The following ZNF804B variants were observed in gnomAD, a reference collection of about 807,000 sequenced individuals.
The protein encoded by ZNF804B is zinc finger 804B.
Under a neutral mutation model 101.4 loss-of-function variants are expected in ZNF804B, and 80 were observed. The ratio of observed to expected loss-of-function variants is 0.79; its 90% CI spans 0.66 to 0.95. The LOEUF (loss-of-function observed/expected upper bound fraction) is 0.95, where lower values mean the gene tolerates loss of function less well. Ranked by LOEUF, ZNF804B falls within the 40% of genes least tolerant of loss-of-function variation. The pLI, the probability that ZNF804B is intolerant of heterozygous loss-of-function variation, is 0.00. For synonymous variants in ZNF804B, 622 were observed against 558.8 expected (o/e 1.11, Z -1.59); for missense variants, 1,673 against 1,561.9 (o/e 1.07, Z -1.20).
chr7:89,070,920 T>TC (rs981839149), intron 1 of ZNF804B, among the ~76,000 whole-genome samples: 35 of 152,110 alleles, frequency 2.3e-4, no homozygotes, highest in African/African-American at 8.2e-4. Flanking sequence ...AATATAGTCA[T>TC]CCCCCAGTAT....
chr7:88,901,667 G>T (rs1271673651), intron 1 of ZNF804B, among the ~76,000 whole-genome samples: 2 of 151,774 alleles, frequency 1.3e-5, no homozygotes, highest in East Asian at 1.9e-4. Flanking sequence ...AGAAAAAAAA[G>T]AGTACTGGTT....
intron 1 of ZNF804B, among the ~76,000 whole-genome samples, chr7:89,165,335 G>C (rs575899469): frequency 6.6e-6 from 1 of 152,138 alleles, no homozygotes; most frequent in Non-Finnish European, 1.5e-5. Context: ...ACAAAAGATA[G>C]AGGATACACA....
At chr7:88,845,291 GCACGCGCGCGCACA>G (rs1330313291) in intron 1 of ZNF804B, among the ~76,000 whole-genome samples, 1 of 106,450 alleles carries the variant, frequency 9.4e-6, no homozygotes, top group East Asian at 4.1e-4. Context: ...ACGCGCGCGC[GCACGCGCGCGCACA>G]CACACACACA....
intron 2 of ZNF804B, among the ~76,000 whole-genome samples, chr7:89,238,993 A>G (rs539221268): frequency 6.6e-6 from 1 of 152,214 alleles, no homozygotes; most frequent in African/African-American, 2.4e-5. Flanking sequence ...AATATCTATG[A>G]TTTTGTCTTC....
chr7:89,155,732 A>G (rs1309842287), intron 1 of ZNF804B, among the ~76,000 whole-genome samples: 2 of 152,088 alleles, frequency 1.3e-5, no homozygotes, highest in African/African-American at 4.8e-5. Context: ...AACTCTGTTG[A>G]GTTGTTGTGT....
intron 1 of ZNF804B, among the ~76,000 whole-genome samples, chr7:88,835,907 A>G (rs989404638): frequency 2.6e-5 from 4 of 151,974 alleles, no homozygotes; most frequent in Admixed American, 6.6e-5. Flanking sequence ...GTGTTTGTGC[A>G]TCTTTGTGTA....
chr7:89,007,556 T>TATAATTATATATAATATAATA (rs1788387452), intron 1 of ZNF804B, among the ~76,000 whole-genome samples: 1 of 112,654 alleles, frequency 8.9e-6, no homozygotes, highest in African/African-American at 3.6e-5. Flanking sequence ...TAATATATAT[T>TATAATTATATATAATATAATA]TATCTATTAT....
rs367874946 is a variant in ZNF804B, at chr7:88,909,531, A to G, written c.108+149447A>G. Among the ~76,000 whole-genome samples, 40 of 151,734 alleles carry G rather than the reference A, an allele frequency of 2.6e-4. No homozygotes were observed. The East Asian group carries it at 3.7e-3, about 14-fold the overall frequency. On this transcript the variant is annotated intron_variant, in intron 1 of 3. Transcript: ENST00000333190. ...AAAATTACAGAGCAGACTTCATTTT[A>G]TTTCCTAGTAAATATTCCACTGCCA...
chr7:89,093,700 C>G (rs1454624273), intron 1 of ZNF804B, among the ~76,000 whole-genome samples: 1 of 152,232 alleles, frequency 6.6e-6, no homozygotes, highest in Non-Finnish European at 1.5e-5. Flanking sequence ...CTGCAGACTT[C>G]TATGCATTGA....
intron 2 of ZNF804B, among the ~76,000 whole-genome samples, chr7:89,297,939 C>A (rs1473139736): frequency 1.3e-5 from 2 of 149,318 alleles, no homozygotes; most frequent in African/African-American, 4.9e-5. Flanking sequence ...ATATTGTTTC[C>A]TGGGTCTAGG....
chr7:89,025,632 G>C (rs1476113245), intron 1 of ZNF804B, among the ~76,000 whole-genome samples: 1 of 152,014 alleles, frequency 6.6e-6, no homozygotes, highest in Admixed American at 6.6e-5. Flanking sequence ...TTGGCATGTT[G>C]TCAATACAAA....
rs568065505 is a variant in ZNF804B at position 89,188,571 on chromosome 7, C to T, written c.109-29584C>T. Among the ~76,000 whole-genome samples the T allele has an allele frequency of 8.4e-4, 128 of 152,186 alleles. 1 individual carries two copies. The highest frequency in any genetic ancestry group is 2.1e-3 in the African/African-American group (87 of 41,538). ...AGCTGAGATATGCTGAAAGCGTGGC[C>T]ACTTGAATCAAACAGTTAGCAAAGT... On this transcript the variant is annotated intron_variant, in intron 1 of 3. Transcript: ENST00000333190.
chr7:89,278,223 G>T (rs13235224), intron 2 of ZNF804B, among the ~76,000 whole-genome samples: 18,397 of 95,596 alleles, frequency 0.19, 1,196 homozygotes, highest in Middle Eastern at 0.32. Context: ...TAAATTTGTT[G>T]GAGTTCATTA....
intron 1 of ZNF804B, among the ~76,000 whole-genome samples, chr7:89,154,103 A>G (rs1044450813): frequency 1.3e-5 from 2 of 152,336 alleles, no homozygotes; most frequent in Admixed American, 1.3e-4. Context: ...AAAAGAAGAC[A>G]TACAAATGGC....
chr7:88,950,016 T>C (rs2116065476), intron 1 of ZNF804B, among the ~76,000 whole-genome samples: 1 of 152,064 alleles, frequency 6.6e-6, no homozygotes, highest in East Asian at 2.0e-4. Flanking sequence ...ATGCATGACT[T>C]ATATAGACAT....
At chr7:88,827,792 A>T (rs536891225) in intron 1 of ZNF804B, among the ~76,000 whole-genome samples, 6 of 152,088 alleles carry the variant, frequency 3.9e-5, no homozygotes, top group Non-Finnish European at 7.4e-5. Context: ...GCGTAGGACC[A>T]TTCTGAACTC....
At chr7:88,832,276 C>G (rs1353088507) in intron 1 of ZNF804B, among the ~76,000 whole-genome samples, 3 of 151,870 alleles carry the variant, frequency 2.0e-5, no homozygotes, top group African/African-American at 7.2e-5. Context: ...CAGCACATTA[C>G]TAATAATTTG....
At chr7:88,854,960 T>C (rs1169869287) in intron 1 of ZNF804B, among the ~76,000 whole-genome samples, 1 of 151,922 alleles carries the variant, frequency 6.6e-6, no homozygotes, top group African/African-American at 2.4e-5. Flanking sequence ...CTGCATAGTA[T>C]TCCATGGTGT....
intron 1 of ZNF804B, among the ~76,000 whole-genome samples, chr7:89,079,446 C>T (rs550922156): frequency 8.3e-4 from 127 of 152,100 alleles, no homozygotes; most frequent in Non-Finnish European, 1.4e-3. Context: ...GTCCTTCACT[C>T]TTAGGCAGGT....
Sources: allele counts gnomAD v4.1 joint callset (sites outside exome capture counted in the v4.1 genomes callset), GRCh38; gene constraint gnomAD v4.1.1; transcripts MANE v1.5; gene names NCBI Gene and HGNC (gene_info 2026-07-23, HGNC 2026-07-21).